The following FAAH2 variants were observed in gnomAD, a reference collection of about 807,000 sequenced individuals.
FAAH2 encodes the protein fatty-acid amide hydrolase 2.
Under a neutral mutation model 36.9 loss-of-function variants are expected in FAAH2, and 60 were observed. The ratio of observed to expected loss-of-function variants is 1.63; its 90% confidence interval spans 1.32 to 2.02. The LOEUF is 2.02. Ranked by LOEUF, FAAH2 falls within the 30% of genes most tolerant of loss-of-function variation. The pLI, the probability that FAAH2 is intolerant of heterozygous loss-of-function variation, is 0.00. For missense variants in FAAH2, 689 were observed against 397.5 expected, an observed-to-expected ratio of 1.73 and a Z score of -6.23; for synonymous variants, 214 against 143.8, an observed-to-expected ratio of 1.49 and a Z score of -3.49.
intron 7 of FAAH2, among the ~76,000 whole-genome samples, chrX:57,425,976 T>C (rs1184127241): frequency 8.9e-6 from 1 of 112,126 alleles, no homozygotes; most frequent in Non-Finnish European, 1.9e-5. Flanking sequence ...AATACAATTA[T>C]AGACTGAAGG....
the FAAH2 span, among the ~76,000 whole-genome samples, chrX:57,217,441 C>T: frequency 5.4e-5 from 6 of 111,548 alleles, no homozygotes; most frequent in Non-Finnish European, 9.4e-5. Context: ...TTTAATCCAT[C>T]CTGAGTTGAT....
chrX:57,344,885 CTT>C (rs771285268), intron 5 of FAAH2, among the ~76,000 whole-genome samples: 5 of 110,719 alleles, frequency 4.5e-5, no homozygotes, highest in Admixed American at 9.6e-5. Flanking sequence ...TGGTAAATCA[CTT>C]TTTTTTATTT....
intron 10 of FAAH2, among the ~76,000 whole-genome samples, chrX:57,458,301 G>A (rs980994453): frequency 8.9e-6 from 1 of 111,883 alleles, no homozygotes; most frequent in Non-Finnish European, 1.9e-5. Flanking sequence ...CTAAGTTAAA[G>A]TAGATTAAAT....
At chrX:57,392,460 T>C (rs2055189153) in intron 7 of FAAH2, among the ~76,000 whole-genome samples, 1 of 111,753 alleles carries the variant, frequency 8.9e-6, no homozygotes, top group African/African-American at 3.3e-5. Context: ...ATGATTTATG[T>C]TAATTTATAC....
chrX:57,268,385 C>A, the FAAH2 span, among the ~76,000 whole-genome samples: 1 of 111,323 alleles, frequency 9.0e-6, no homozygotes, highest in African/African-American at 3.3e-5. Context: ...ATTGGTGTAC[C>A]TGAAAGAGAT....
At chrX:57,457,033 G>A (rs2056875169) in intron 10 of FAAH2, among the ~76,000 whole-genome samples, 1 of 111,602 alleles carries the variant, frequency 9.0e-6, no homozygotes, top group South Asian at 3.7e-4. Context: ...TGATGAACAT[G>A]GATGCAAAAA....
upstream of FAAH2, among the ~76,000 whole-genome samples, chrX:57,283,569 C>A (rs1373073437): frequency 9.0e-6 from 1 of 111,361 alleles, no homozygotes; most frequent in African/African-American, 3.3e-5. Flanking sequence ...GAGCCCCTCC[C>A]CCAGGGAAAT....
intron 7 of FAAH2, chrX:57,393,994 A>G: frequency 1.3e-6 from 1 of 768,113 alleles, no homozygotes; most frequent in Non-Finnish European, 2.0e-6. Flanking sequence ...TTCTCACTCC[A>G]TTTACTGATG....
the FAAH2 span, among the ~76,000 whole-genome samples, chrX:57,254,340 C>T: frequency 1.8e-5 from 2 of 111,553 alleles, no homozygotes; most frequent in African/African-American, 3.3e-5. Context: ...CTTTAACACC[C>T]CACTGTCAAT....
intron 2 of FAAH2, among the ~76,000 whole-genome samples, chrX:57,299,817 C>A (rs1198087477): frequency 1.8e-5 from 2 of 111,616 alleles, no homozygotes; most frequent in African/African-American, 3.3e-5. Context: ...CAATAACAGA[C>A]AAACAGAGAG....
At chrX:57,411,479 G>T (rs995208832) in intron 7 of FAAH2, among the ~76,000 whole-genome samples, 3 of 111,030 alleles carry the variant, frequency 2.7e-5, no homozygotes, top group South Asian at 4.0e-4. Flanking sequence ...AAGTCACCCT[G>T]CAGGGCTTAT....
chrX:57,483,290 T>C (rs771104195), intron 10 of FAAH2, among the ~76,000 whole-genome samples: 1 of 111,796 alleles, frequency 8.9e-6, no homozygotes, highest in Non-Finnish European at 1.9e-5. Context: ...TTTCTTCTAC[T>C]TGGTCTAGTC....
At chrX:57,468,849 A>T (rs766114326) in intron 10 of FAAH2, among the ~76,000 whole-genome samples, 83 of 111,859 alleles carry the variant, frequency 7.4e-4, no homozygotes, top group Admixed American at 2.0e-3. Flanking sequence ...AGCCAGAGAG[A>T]AAGGTTGGGT....
chrX:57,258,061 G>A, the FAAH2 span, among the ~76,000 whole-genome samples: 8 of 111,754 alleles, frequency 7.2e-5, no homozygotes, highest in Non-Finnish European at 1.5e-4. Flanking sequence ...TACAATTATA[G>A]TAATCAAAAC....
chrX:57,264,212 C>T, the FAAH2 span, among the ~76,000 whole-genome samples: 4 of 111,549 alleles, frequency 3.6e-5, no homozygotes, highest in African/African-American at 1.3e-4. Flanking sequence ...AAAAACTGAT[C>T]AATTGTACCA....
At chrX:57,242,599 C>A in the FAAH2 span, among the ~76,000 whole-genome samples, 53 of 111,320 alleles carry the variant, frequency 4.8e-4, no homozygotes, top group African/African-American at 1.7e-3. Context: ...TGGATGCAGC[C>A]CATGGAGGGT....
chrX:57,314,425 C>T lies in FAAH2; in HGVS notation c.412+3696C>T, dbSNP rs147552926. On this transcript the variant is annotated intron_variant, in intron 3 of 10. Transcript: ENST00000374900. ...TCTACAAAATACTCCACCCAAAAACCATGGAATATACATTCAACTCATCTG... is the reference window on the plus strand; with the variant it reads ...TCTACAAAATACTCCACCCAAAAACTATGGAATATACATTCAACTCATCTG... Among the ~76,000 whole-genome samples, 11 of 111,479 alleles carry T rather than the reference C, an allele frequency of 9.9e-5. No individual in the cohort carries two copies. The East Asian group carries it at 2.8e-3, about 29-fold the overall frequency.
chrX:57,178,093 G>C, the FAAH2 span, among the ~76,000 whole-genome samples: 2 of 111,674 alleles, frequency 1.8e-5, no homozygotes, highest in African/African-American at 6.5e-5. Context: ...AATGTGACCT[G>C]TCTGTCCTCT....
At chrX:57,326,336 C>A (rs1301478780) in intron 3 of FAAH2, among the ~76,000 whole-genome samples, 3 of 113,927 alleles carry the variant, frequency 2.6e-5, no homozygotes, top group Non-Finnish European at 5.6e-5. Context: ...GTGGAGAGTT[C>A]TGTAGGTGTC....
Sources: allele counts gnomAD v4.1 joint callset (sites outside exome capture counted in the v4.1 genomes callset), GRCh38; gene constraint gnomAD v4.1.1; transcripts MANE v1.5; gene names NCBI Gene and HGNC (gene_info 2026-07-23, HGNC 2026-07-21).